E2F2: variants seen among roughly 807,000 people sequenced by gnomAD.
The protein encoded by E2F2 is E2F transcription factor 2, also known as transcription factor E2F2.
In E2F2, 22 loss-of-function variants were observed where a neutral mutation model predicts 42.2. The ratio of observed to expected loss-of-function variants is 0.52; its 90% CI spans 0.37 to 0.74. The LOEUF is 0.74. Ranked by LOEUF, E2F2 falls within the 30% of genes least tolerant of loss-of-function variation. The pLI, the probability that E2F2 is intolerant of heterozygous loss-of-function variation, is 0.00. For synonymous variants in E2F2, 248 were observed against 251.6 expected, an observed-to-expected ratio of 0.99 and a Z score of 0.13; for missense variants, 481 against 557.8, an observed-to-expected ratio of 0.86 and a Z score of 1.39.
At chr1:23,528,653 C>A (rs1643288738) in intron 1 of E2F2, among the ~76,000 whole-genome samples, 1 of 152,180 alleles carries the variant, frequency 6.6e-6, no homozygotes, top group South Asian at 2.1e-4. Flanking sequence ...CAGTGTCTGG[C>A]ACACGAGAGG....
intron 2 of E2F2, among the ~76,000 whole-genome samples, chr1:23,523,305 C>T (rs979610068): frequency 3.3e-5 from 5 of 152,010 alleles, no homozygotes; most frequent in Admixed American, 1.3e-4. Context: ...TACAGGCATG[C>T]GCCACCACAC....
chr1:23,523,372 G>A (rs554827493), intron 2 of E2F2, among the ~76,000 whole-genome samples: 1 of 152,252 alleles, frequency 6.6e-6, no homozygotes, highest in African/African-American at 2.4e-5. Flanking sequence ...GGCCAGGCTG[G>A]TCTGGAACTC....
Position 23,530,993 on chromosome 1 carries a change from T to C in E2F2, c.-200A>G, listed in dbSNP as rs1473252849. 1.8e-6 allele frequency: 1 copy of C among 557,396 alleles called. No homozygotes were observed. Among genetic ancestry groups the C allele is most frequent in the African/African-American group, 2.0e-5 (1 of 50,648 alleles). The allele number at this position is 557,396 out of a possible 1,614,324, so 34.5% of individuals were successfully genotyped here. On this transcript the variant is annotated 5_prime_UTR_variant, in exon 1 of 7. Transcript: ENST00000361729. The surrounding 1 kb of genome is among the most constrained non-coding windows in gnomAD (Gnocchi z 4.4). ...AGAGCAGCGCTTAGAGATCGCCGCT[T>C]GGAGATCGCCCGGCGGCTGCGGTGG...
rs1642869707 is a variant in E2F2, at chr1:23,509,719, TC to T, written c.*160del. The T allele has an allele frequency of 7.4e-7, 1 of 1,352,420 alleles. No homozygotes were observed. The highest frequency in any genetic ancestry group is 1.5e-5 in the African/African-American group (1 of 66,924). 83.8% of individuals were successfully genotyped at this position (1,352,420 alleles called of 1,614,324 possible). Reference sequence around the variant, plus strand: ...ACTCCTCACCCGTACCATTCATATCTCCCCACACAGCTTCTGCCGGCTGGGG... The same window carrying T: ...ACTCCTCACCCGTACCATTCATATCTCCCACACAGCTTCTGCCGGCTGGGG... On this transcript the variant is annotated 3_prime_UTR_variant, in exon 7 of 7. Transcript: ENST00000361729.
chr1:23,510,630 T>C (rs577004809), intron 6 of E2F2, among the ~76,000 whole-genome samples: 1 of 152,296 alleles, frequency 6.6e-6, no homozygotes, highest in South Asian at 2.1e-4. Flanking sequence ...GGAAAGAAAT[T>C]CTGACACATG....
intron 2 of E2F2, among the ~76,000 whole-genome samples, chr1:23,523,028 A>G (rs531043587): frequency 6.6e-6 from 1 of 152,254 alleles, no homozygotes; most frequent in Non-Finnish European, 1.5e-5. Context: ...TTTACACAAG[A>G]CAACTAAGGT....
Position 23,506,471 on chromosome 1 carries a change from T to C in E2F2, c.*3409A>G, listed in dbSNP as rs1642796823. ...AATGTTTAATGCCCAATTATCTCAA[T>C]ACAAGGAGGCTTACATGGTGCTCAT... is the stretch of plus-strand genomic sequence containing the variant. On this transcript the variant is annotated 3_prime_UTR_variant, in exon 7 of 7. Coordinates refer to ENST00000361729, the MANE Select transcript of E2F2 (RefSeq NM_004091.4). 1 of 152,136 alleles carries C rather than the reference T, an allele frequency of 6.6e-6. No individual in the cohort carries two copies. The highest frequency in any genetic ancestry group is 2.4e-5 in the African/African-American group (1 of 41,408). The allele number at this position is 152,136 out of a possible 1,614,324, so 9.4% of individuals were successfully genotyped here. A position where few individuals can be genotyped will look rare whatever the true frequency, so the allele number is the denominator to read the frequency against.
At chr1:23,518,128 G>A (rs560492935) in intron 5 of E2F2, among the ~76,000 whole-genome samples, 2 of 152,214 alleles carry the variant, frequency 1.3e-5, no homozygotes, top group African/African-American at 4.8e-5. Flanking sequence ...CTGAGATCAT[G>A]CCACTGCACT....
rs533221716 is a variant in E2F2 at position 23,506,654 on chromosome 1, C to T, written c.*3226G>A. The stretch of plus-strand genomic sequence containing the variant: ...CCAGCAGGCTGGCCAGGCGTGTGGC[C>T]ACCATGGTCACTGAGGATCCTCGTG... On this transcript the variant is annotated 3_prime_UTR_variant, in exon 7 of 7. Coordinates refer to ENST00000361729, the MANE Select transcript of E2F2 (RefSeq NM_004091.4). 5.3e-5 allele frequency: 8 copies of T among 152,356 alleles called. No homozygotes were observed. The highest frequency in any genetic ancestry group is 1.9e-4 in the African/African-American group (8 of 41,576). 9.4% of individuals were successfully genotyped at this position (152,356 alleles called of 1,614,324 possible).
At chr1:23,512,994 G>A (rs995128226) in intron 6 of E2F2, among the ~76,000 whole-genome samples, 1 of 152,012 alleles carries the variant, frequency 6.6e-6, no homozygotes, top group Non-Finnish European at 1.5e-5. Flanking sequence ...TGTATTTGTA[G>A]TAGAGACGGG....
intron 2 of E2F2, 35 bp downstream of exon 2, chr1:23,524,348 C>T: frequency 1.3e-6 from 2 of 1,523,186 alleles, no homozygotes; most frequent in South Asian, 2.4e-5. Context: ...GCCCCTGCCC[C>T]ACCCCACCCC....
intron 1 of E2F2, among the ~76,000 whole-genome samples, chr1:23,525,779 C>T (rs770534187): frequency 7.9e-5 from 12 of 152,338 alleles, no homozygotes; most frequent in Non-Finnish European, 1.8e-4. Context: ...AATCTAATCT[C>T]GACCTCTTCC....
chr1:23,519,128 A>G lies in E2F2; in HGVS notation c.740T>C (p.Leu247Pro). The G allele has an allele frequency of 8.7e-6, 14 of 1,612,814 alleles. No individual in the cohort carries two copies. Among genetic ancestry groups the G allele is most frequent in the Non-Finnish European group, 1.2e-5 (14 of 1,179,112 alleles). Residue 247 changes from leucine (L) to proline (P), a missense_variant and splice_region_variant, in exon 5 of 7, where the codon CTG (leucine) becomes CCG (proline). Leu to Pro is a moderately conservative substitution (Grantham distance 98). Transcript: ENST00000361729. ...GATATCCTGGTAAGTCACATAGGCCAGCGTAGGGCAGGAGAGTCAAGAAAA... is the reference window on the plus strand; with the variant it reads ...GATATCCTGGTAAGTCACATAGGCCGGCGTAGGGCAGGAGAGTCAAGAAAA... The part of the protein sequence containing the change: ...HLTEDKANKR[L>P]AYVTYQDIRA...
intron 2 of E2F2, 62 bp from the exon 3 acceptor site, chr1:23,522,118 C>G (rs1643163476): frequency 6.6e-7 from 1 of 1,504,864 alleles, no homozygotes; most frequent in Non-Finnish European, 9.1e-7. Context: ...GGACCCTCGT[C>G]CATTGACCTA....
At chr1:23,524,749 G>T (rs1643221230) in intron 1 of E2F2, among the ~76,000 whole-genome samples, 1 of 152,186 alleles carries the variant, frequency 6.6e-6, no homozygotes, top group Non-Finnish European at 1.5e-5. Flanking sequence ...CCCTACCAAA[G>T]CCAGTCTGGC....
chr1:23,509,579 C>T lies in E2F2; in HGVS notation c.*301G>A. On this transcript the variant is annotated 3_prime_UTR_variant, in exon 7 of 7. Transcript: ENST00000361729. ...CTCAAAAGGAGGTAGCAGGGCCTTTCCCTGGACTTGGCCACCTCACCTGCA... is the reference window on the plus strand; with the variant it reads ...CTCAAAAGGAGGTAGCAGGGCCTTTTCCTGGACTTGGCCACCTCACCTGCA... The T allele has an allele frequency of 3.1e-6, 1 of 320,040 alleles. No individual in the cohort carries two copies. 19.8% of individuals were successfully genotyped at this position (320,040 alleles called of 1,614,324 possible).
chr1:23,524,077 C>T (rs908183311), intron 2 of E2F2, among the ~76,000 whole-genome samples: 2 of 75,912 alleles, frequency 2.6e-5, no homozygotes, highest in Non-Finnish European at 5.9e-5. Flanking sequence ...TGTCTCACAA[C>T]AACAACAACA....
intron 6 of E2F2, among the ~76,000 whole-genome samples, chr1:23,512,415 G>A (rs940612810): frequency 2.0e-5 from 3 of 151,630 alleles, no homozygotes; most frequent in Non-Finnish European, 2.9e-5. Flanking sequence ...TTACAGATGA[G>A]AAAACTAGGG....
chr1:23,509,922 A>T lies in E2F2; in HGVS notation c.1272T>A (p.Asp424Glu). 6.3e-7 allele frequency: 1 copy of T among 1,594,802 alleles called. No homozygotes were observed. The highest frequency in any genetic ancestry group is 8.6e-7 in the Non-Finnish European group (1 of 1,169,114). ...CCCCAAGGTCGTAGGAGTCGAAGAG[A>T]TCGCTGATGCCCTCACCCGCCTCCA... ...WGLEAGEGIS[D>E]LFDSYDLGDL... Residue 424 changes from aspartate to glutamate, a missense_variant, in exon 7 of 7, where the codon GAT (aspartate) becomes GAA (glutamate). Physicochemically the swap from Asp to Glu is conservative, Grantham distance 45 (BLOSUM62 2). Coordinates refer to ENST00000361729, the MANE Select transcript of E2F2 (RefSeq NM_004091.4).
Sources: gnomAD v4.1 joint callset for allele counts (sites outside exome capture counted in the v4.1 genomes callset) on GRCh38, gnomAD v4.1.1 for gene constraint, Gnocchi (gnomAD v3.1) non-coding constraint, MANE v1.5 for transcripts, NCBI Gene and HGNC (gene_info 2026-07-23, HGNC 2026-07-21) for gene names.